CDH13: variants seen among roughly 807,000 people sequenced by gnomAD.
The protein encoded by CDH13 is cadherin 13.
A neutral mutation model predicts 63.8 loss-of-function variants in CDH13; 24 were observed. The ratio of observed to expected loss-of-function variants is 0.38; its 90% CI spans 0.27 to 0.53. The LOEUF (loss-of-function observed/expected upper bound fraction) is 0.53. Ranked by LOEUF, CDH13 falls within the 20% of genes least tolerant of loss-of-function variation. The pLI is 0.85. For synonymous variants in CDH13, 503 were observed against 355.3 expected, an observed-to-expected ratio of 1.42 and a Z score of -4.67; for missense variants, 1,049 against 903.1, an observed-to-expected ratio of 1.16 and a Z score of -2.07.
At chr16:82,864,989 C>G (rs2040076351) in intron 2 of CDH13, among the ~76,000 whole-genome samples, 1 of 152,200 alleles carries the variant, frequency 6.6e-6, no homozygotes, top group Non-Finnish European at 1.5e-5. Context: ...AGGCCCCACG[C>G]AAGTCCAAAA....
intron 10 of CDH13, among the ~76,000 whole-genome samples, chr16:83,746,221 G>A (rs376348290): frequency 2.0e-5 from 3 of 152,202 alleles, no homozygotes; most frequent in East Asian, 1.9e-4. Flanking sequence ...GCAGGGCCAC[G>A]TTCCATCTAG....
At chr16:83,668,935 T>TTCA (rs1447916068) in intron 8 of CDH13, among the ~76,000 whole-genome samples, 1 of 152,206 alleles carries the variant, frequency 6.6e-6, no homozygotes, top group East Asian at 1.9e-4. Context: ...CTCAGGCAGC[T>TTCA]TCACCCATTC....
chr16:82,935,582 A>G (rs148710157), intron 2 of CDH13, among the ~76,000 whole-genome samples: 1 of 152,260 alleles, frequency 6.6e-6, no homozygotes, highest in African/African-American at 2.4e-5. Flanking sequence ...ATTTCAGAAA[A>G]CTGATTCTTA....
chr16:83,434,369 G>A (rs545079623), intron 6 of CDH13, among the ~76,000 whole-genome samples: 11 of 152,248 alleles, frequency 7.2e-5, no homozygotes, highest in African/African-American at 2.6e-4. Context: ...TGACAGAGAT[G>A]ACATGCAAGA....
intron 12 of CDH13, among the ~76,000 whole-genome samples, chr16:83,782,736 G>GAAA (rs3055230): frequency 1.0e-5 from 1 of 99,056 alleles, no homozygotes; most frequent in Non-Finnish European, 2.1e-5. Flanking sequence ...ACCCTGTCTC[G>GAAA]AAAAAAAAAA....
intron 10 of CDH13, among the ~76,000 whole-genome samples, chr16:83,738,089 C>T (rs1911705753): frequency 6.6e-6 from 1 of 152,216 alleles, no homozygotes; most frequent in East Asian, 1.9e-4. Flanking sequence ...AATAGGAAAA[C>T]ACTCACAATG....
chr16:83,793,176 G>C (rs1916386270), intron 13 of CDH13, among the ~76,000 whole-genome samples: 1 of 152,152 alleles, frequency 6.6e-6, no homozygotes. Context: ...TATTACTGTA[G>C]ACACAGTAGT....
chr16:83,781,310 A>G (rs1014638455), intron 12 of CDH13, among the ~76,000 whole-genome samples: 1 of 152,194 alleles, frequency 6.6e-6, no homozygotes, highest in African/African-American at 2.4e-5. Flanking sequence ...CTTGTCTTCC[A>G]ATAAAGTAAA....
At chr16:82,978,120 A>C (rs1192355633) in intron 2 of CDH13, among the ~76,000 whole-genome samples, 1 of 152,210 alleles carries the variant, frequency 6.6e-6, no homozygotes, top group Admixed American at 6.5e-5. Flanking sequence ...GGTATCTGGC[A>C]GAATAAATCT....
chr16:82,777,367 C>T (rs775068972), intron 1 of CDH13, among the ~76,000 whole-genome samples: 3 of 152,150 alleles, frequency 2.0e-5, no homozygotes, highest in Non-Finnish European at 4.4e-5. Flanking sequence ...GAAAACTAAA[C>T]CCAGTTCCTT....
chr16:82,731,012 G>A (rs1455956175), intron 1 of CDH13, among the ~76,000 whole-genome samples: 1 of 152,158 alleles, frequency 6.6e-6, no homozygotes, highest in African/African-American at 2.4e-5. Flanking sequence ...TATTATTTAT[G>A]TATGGTGAAA....
At chr16:83,625,936 T>C (rs1268024121) in intron 8 of CDH13, among the ~76,000 whole-genome samples, 2 of 151,994 alleles carry the variant, frequency 1.3e-5, no homozygotes, top group Non-Finnish European at 2.9e-5. Flanking sequence ...GTCAGGTGTA[T>C]TGGGGTCTTT....
intron 1 of CDH13, among the ~76,000 whole-genome samples, chr16:82,628,453 C>G (rs1404375101): frequency 6.6e-6 from 1 of 152,046 alleles, no homozygotes; most frequent in Non-Finnish European, 1.5e-5. Context: ...CTAAGGGAGA[C>G]CACTGTTAGA....
intron 4 of CDH13, among the ~76,000 whole-genome samples, chr16:83,211,963 G>C (rs1597524784): frequency 6.6e-6 from 1 of 152,116 alleles, no homozygotes; most frequent in East Asian, 1.9e-4. Flanking sequence ...AAGAATAATA[G>C]GAAGTTCTCG....
intron 2 of CDH13, among the ~76,000 whole-genome samples, chr16:82,966,918 T>C (rs1907924272): frequency 6.6e-6 from 1 of 152,190 alleles, no homozygotes; most frequent in African/African-American, 2.4e-5. Context: ...CACACTTAAT[T>C]TGGATTTATC....
At chr16:82,878,644 C>T (rs138496312) in intron 2 of CDH13, among the ~76,000 whole-genome samples, 1 of 150,608 alleles carries the variant, frequency 6.6e-6, no homozygotes, top group South Asian at 2.1e-4. Context: ...TGGGTAGATT[C>T]GAGTGGAGCC....
chr16:83,407,295 G>C (rs554259042), intron 6 of CDH13, among the ~76,000 whole-genome samples: 49 of 152,328 alleles, frequency 3.2e-4, no homozygotes, highest in African/African-American at 1.1e-3. Flanking sequence ...CCGTTTATTT[G>C]AAATACACAC....
chr16:83,789,054 T>C (rs1270074222), intron 13 of CDH13, among the ~76,000 whole-genome samples: 1 of 152,244 alleles, frequency 6.6e-6, no homozygotes, highest in Non-Finnish European at 1.5e-5. Flanking sequence ...CCAAATGTCA[T>C]GATTTACGTT....
At chr16:82,807,753 A>G (rs1439452645) in intron 1 of CDH13, among the ~76,000 whole-genome samples, 1 of 152,190 alleles carries the variant, frequency 6.6e-6, no homozygotes, top group African/African-American at 2.4e-5. Flanking sequence ...CAGCCTCCAA[A>G]CACCACAATG....
Sources: gnomAD v4.1 joint callset for allele counts (sites outside exome capture counted in the v4.1 genomes callset) on GRCh38, gnomAD v4.1.1 for gene constraint, MANE v1.5 for transcripts, NCBI Gene and HGNC (gene_info 2026-07-23, HGNC 2026-07-21) for gene names.